The following ADAM2 variants were observed in gnomAD, a reference collection of about 807,000 sequenced individuals.
The protein encoded by ADAM2 is ADAM metallopeptidase domain 2, also known as disintegrin and metalloproteinase domain-containing protein 2.
A neutral mutation model predicts 99.3 loss-of-function variants in ADAM2; 101 were observed. The observed-to-expected ratio is 1.02, with a 90% CI of 0.87 to 1.20. The LOEUF (loss-of-function observed/expected upper bound fraction) is 1.20. ADAM2 is among the 50% of genes most tolerant of loss of function. The pLI, the probability that ADAM2 is intolerant of heterozygous loss-of-function variation, is 0.00. For missense variants in ADAM2, 948 were observed against 878.7 expected (o/e 1.08, Z -1.00); for synonymous variants, 323 against 287.6 (o/e 1.12, Z -1.25).
chr8:39,790,818 G>A (rs892869559), intron 7 of ADAM2, among the ~76,000 whole-genome samples: 10 of 151,780 alleles, frequency 6.6e-5, no homozygotes, highest in African/African-American at 2.2e-4. Context: ...TTCTAATAAA[G>A]GGCCTTTGGA....
chr8:39,769,458 T>C lies in ADAM2; in HGVS notation c.1146A>G (p.Lys382=). The C allele has an allele frequency of 6.2e-7, 1 of 1,614,016 alleles. No homozygotes were observed. The highest frequency in any genetic ancestry group is 8.5e-7 in the Non-Finnish European group (1 of 1,179,904). The change falls in exon 12 of 21, where the codon AAA becomes AAG. Residue 382 remains lysine (K), a synonymous_variant. Transcript: ENST00000265708. The part of the protein sequence containing the change: ...HNQPRLDPFF[K]QQAVCGNAKL... The stretch of plus-strand genomic sequence containing the variant: ...TTGCATTACCACACACTGCTTGCTG[T>C]TTGAAAAAAGGATCTAAGCGAGGCT...
At chr8:39,795,345 G>A (rs753263967) in intron 7 of ADAM2, among the ~76,000 whole-genome samples, 25 of 152,056 alleles carry the variant, frequency 1.6e-4, no homozygotes, top group Non-Finnish European at 3.5e-4. Flanking sequence ...CTGCTTTTTA[G>A]AATTCAGGAA....
At chr8:39,756,808 AT>A (rs1802167335) in intron 15 of ADAM2, among the ~76,000 whole-genome samples, 2 of 152,220 alleles carry the variant, frequency 1.3e-5, no homozygotes, top group African/African-American at 2.4e-5. Context: ...CCAGTTAAAC[AT>A]TAAGTAATTT....
intron 15 of ADAM2, among the ~76,000 whole-genome samples, chr8:39,757,944 G>A (rs555046743): frequency 3.9e-5 from 6 of 152,004 alleles, no homozygotes; most frequent in African/African-American, 1.4e-4. Flanking sequence ...TATATAAAAA[G>A]GATCAATGAT....
chr8:39,772,240 T>A (rs899654059), intron 11 of ADAM2, among the ~76,000 whole-genome samples: 2 of 152,180 alleles, frequency 1.3e-5, no homozygotes, highest in African/African-American at 4.8e-5. Context: ...ACTTTTTTTT[T>A]ATAATGGAGC....
intron 7 of ADAM2, among the ~76,000 whole-genome samples, chr8:39,789,502 A>G (rs1303091694): frequency 2.6e-5 from 4 of 151,852 alleles, no homozygotes; most frequent in Non-Finnish European, 5.9e-5. Flanking sequence ...ACAATTTTAA[A>G]TAAGAACAAA....
At chr8:39,804,820 T>C (rs1804371348) in intron 7 of ADAM2, among the ~76,000 whole-genome samples, 1 of 152,218 alleles carries the variant, frequency 6.6e-6, no homozygotes, top group South Asian at 2.1e-4. Context: ...TGCATTCTGG[T>C]AAAGTGCATA....
At chr8:39,771,298 T>C (rs558264744) in intron 11 of ADAM2, among the ~76,000 whole-genome samples, 5 of 152,248 alleles carry the variant, frequency 3.3e-5, no homozygotes, top group Non-Finnish European at 7.3e-5. Context: ...AAAATACCGC[T>C]TCCTTACTAC....
At chr8:39,830,964 T>C (rs1805592812) in intron 3 of ADAM2, among the ~76,000 whole-genome samples, 1 of 152,178 alleles carries the variant, frequency 6.6e-6, no homozygotes, top group Non-Finnish European at 1.5e-5. Context: ...AGAGTTGACC[T>C]GCTCCTTCTA....
chr8:39,819,469 T>G (rs1805087874), intron 6 of ADAM2, among the ~76,000 whole-genome samples: 1 of 152,056 alleles, frequency 6.6e-6, no homozygotes, highest in Non-Finnish European at 1.5e-5. Flanking sequence ...CCTGTAAACT[T>G]GGCTGGGCCA....
At chr8:39,815,923 G>T (rs1034185890) in intron 6 of ADAM2, among the ~76,000 whole-genome samples, 1 of 152,072 alleles carries the variant, frequency 6.6e-6, no homozygotes, top group African/African-American at 2.4e-5. Context: ...GTTTTAAATA[G>T]TTCCACCACA....
chr8:39,761,084 G>C (rs1802349810), intron 15 of ADAM2, 92 bp downstream of exon 15: 4 of 640,736 alleles, frequency 6.2e-6, no homozygotes, highest in African/African-American at 1.9e-5. Context: ...ATGTTCAGGG[G>C]ATATTTTGCT....
intron 10 of ADAM2, among the ~76,000 whole-genome samples, chr8:39,783,570 T>G (rs766833055): frequency 6.6e-6 from 1 of 152,168 alleles, no homozygotes; most frequent in Non-Finnish European, 1.5e-5. Flanking sequence ...CAAATTCTTA[T>G]GCTGAAACCG....
chr8:39,772,575 CT>C lies in ADAM2; in HGVS notation c.1029-3001del, dbSNP rs1283728003. Among the ~76,000 whole-genome samples, 4 of 152,108 alleles carry C rather than the reference CT, an allele frequency of 2.6e-5. No individual in the cohort carries two copies. In the South Asian group the frequency reaches 6.2e-4, roughly 24 times the overall value. ...AAGAATGGTAATTTCTCAAAATAAA[CT>C]TTTCTTTGATTGTAGCCATTATTCC... On this transcript the variant is annotated intron_variant, in intron 11 of 20. Coordinates refer to ENST00000265708, the MANE Select transcript of ADAM2 (RefSeq NM_001464.5).
chr8:39,782,131 A>G (rs1803259099), intron 10 of ADAM2, among the ~76,000 whole-genome samples: 1 of 152,202 alleles, frequency 6.6e-6, no homozygotes, highest in South Asian at 2.1e-4. Flanking sequence ...GAATAGCTTC[A>G]TGATCTTAGA....
chr8:39,758,056 G>A (rs1802214120), intron 15 of ADAM2, among the ~76,000 whole-genome samples: 1 of 152,104 alleles, frequency 6.6e-6, no homozygotes, highest in Admixed American at 6.5e-5. Context: ...TTGAGTATAT[G>A]AGGAAGCAAC....
intron 11 of ADAM2, among the ~76,000 whole-genome samples, chr8:39,776,365 T>G (rs533996488): frequency 2.6e-5 from 4 of 152,248 alleles, no homozygotes; most frequent in Non-Finnish European, 4.4e-5. Context: ...TGTTTCCTGC[T>G]GCAGGCAATG....
chr8:39,786,458 A>G (rs1803470347), intron 10 of ADAM2, among the ~76,000 whole-genome samples: 1 of 152,150 alleles, frequency 6.6e-6, no homozygotes, highest in African/African-American at 2.4e-5. Context: ...TAGTGATAGT[A>G]TTATGAAATA....
At chr8:39,806,584 A>G (rs1165533715) in intron 7 of ADAM2, among the ~76,000 whole-genome samples, 1 of 151,078 alleles carries the variant, frequency 6.6e-6, no homozygotes, top group Non-Finnish European at 1.5e-5. Context: ...GTTTTATTAG[A>G]GGTAAAACTT....
Sources: gnomAD v4.1 joint callset for allele counts (sites outside exome capture counted in the v4.1 genomes callset) on GRCh38, gnomAD v4.1.1 for gene constraint, MANE v1.5 for transcripts, NCBI Gene and HGNC (gene_info 2026-07-23, HGNC 2026-07-21) for gene names.